CSRNP3: variants seen among roughly 807,000 people sequenced by gnomAD.
CSRNP3 encodes cysteine and serine rich nuclear protein 3, also known as cysteine/serine-rich nuclear protein 3.
Under a neutral mutation model 48.0 loss-of-function variants are expected in CSRNP3, and 12 were observed. The observed-to-expected ratio is 0.25, with a 90% confidence interval of 0.16 to 0.41. The LOEUF (loss-of-function observed/expected upper bound fraction) is 0.41, where lower values mean the gene tolerates loss of function less well. Among genes scored for constraint, CSRNP3 ranks in the 10% least tolerant of loss-of-function variants. The pLI is 1.00. For synonymous variants in CSRNP3, 263 were observed against 269.7 expected (o/e 0.98, Z 0.24); for missense variants, 580 against 724.4 (o/e 0.80, Z 2.29).
At chr2:165,618,565 A>G (rs986868738) in intron 4 of CSRNP3, among the ~76,000 whole-genome samples, 1 of 152,224 alleles carries the variant, frequency 6.6e-6, no homozygotes, top group Non-Finnish European at 1.5e-5. Flanking sequence ...GAAAGATCAT[A>G]TGAACCAAAA....
At chr2:165,574,282 G>A (rs1685414321) in intron 3 of CSRNP3, 18 of 1,144,894 alleles carry the variant, frequency 1.6e-5, no homozygotes, top group Non-Finnish European at 2.2e-5. Context: ...AAAGGTCACA[G>A]GGCTGGTGGA....
At chr2:165,650,492 T>G (rs933024291) in intron 4 of CSRNP3, among the ~76,000 whole-genome samples, 1 of 152,220 alleles carries the variant, frequency 6.6e-6, no homozygotes, top group Non-Finnish European at 1.5e-5. Context: ...AAGTTAATCT[T>G]AATAACTTCA....
intron 2 of CSRNP3, among the ~76,000 whole-genome samples, chr2:165,514,288 T>A (rs1001446585): frequency 3.9e-5 from 6 of 152,222 alleles, no homozygotes; most frequent in African/African-American, 1.2e-4. Context: ...GAAAAGGCAG[T>A]GTTGAGGCTA....
chr2:165,528,890 C>T (rs1238558503), intron 3 of CSRNP3, among the ~76,000 whole-genome samples: 2 of 152,180 alleles, frequency 1.3e-5, no homozygotes, highest in African/African-American at 2.4e-5. Context: ...TCCTTCCAAG[C>T]TGGGGCAGGA....
At chr2:165,579,921 CTTTTTTTTTTTTT>C (rs147087270) in intron 3 of CSRNP3, among the ~76,000 whole-genome samples, 3 of 70,550 alleles carry the variant, frequency 4.3e-5, no homozygotes, top group East Asian at 3.8e-4. Context: ...CATGACTCTA[CTTTTTTTTTTTTT>C]TTTTTTTTTT....
Position 165,657,747 on chromosome 2 carries a change from T to G in CSRNP3, c.149-14T>G. 6.2e-7 allele frequency: 1 copy of G among 1,611,634 alleles called. No individual in the cohort carries two copies. The highest frequency in any genetic ancestry group is 8.5e-7 in the Non-Finnish European group (1 of 1,177,934). On this transcript the variant is annotated splice_polypyrimidine_tract_variant and intron_variant, in intron 4 of 6. Coordinates refer to ENST00000651982, the MANE Select transcript of CSRNP3 (RefSeq NM_001172173.2). ...TGCCCCAAGTGTTCACAGGATTGTT[T>G]CTTTCTCTTTCAGCTTCCTCCATTC...
chr2:165,509,854 G>C (rs1684478832), intron 2 of CSRNP3, among the ~76,000 whole-genome samples: 1 of 152,066 alleles, frequency 6.6e-6, no homozygotes, highest in Non-Finnish European at 1.5e-5. Context: ...ATTGAATTCG[G>C]TCATCATGTC....
chr2:165,618,054 G>T (rs990009415), intron 4 of CSRNP3, among the ~76,000 whole-genome samples: 2 of 152,238 alleles, frequency 1.3e-5, no homozygotes, highest in African/African-American at 2.4e-5. Flanking sequence ...GTCCTGGGGA[G>T]TGGGTAGGAC....
chr2:165,677,399 C>A (rs893548119), intron 6 of CSRNP3, among the ~76,000 whole-genome samples: 1 of 152,090 alleles, frequency 6.6e-6, no homozygotes, highest in Admixed American at 6.5e-5. Flanking sequence ...TGATGACTGG[C>A]AATCAGATAA....
At chr2:165,570,335 T>G (rs1341796385) in intron 3 of CSRNP3, among the ~76,000 whole-genome samples, 1 of 152,076 alleles carries the variant, frequency 6.6e-6, no homozygotes, top group African/African-American at 2.4e-5. Context: ...AGACTTCCCA[T>G]TGGAGACTCA....
chr2:165,496,276 C>T lies in CSRNP3; in HGVS notation c.-113+1348C>T, dbSNP rs113423843. On this transcript the variant is annotated intron_variant, in intron 2 of 6. Coordinates refer to ENST00000651982, the MANE Select transcript of CSRNP3 (RefSeq NM_001172173.2). ...TTCTGAGGATATGATTCTCCAGTTA[C>T]GTGGAAAAGTTATGGCCAGAGAGTA... Among the ~76,000 whole-genome samples the T allele has an allele frequency of 7.5e-3, 1,141 of 152,064 alleles. 13 individuals carry two copies. Among genetic ancestry groups the T allele is most frequent in the African/African-American group, 0.026 (1,068 of 41,524 alleles).
intron 3 of CSRNP3, among the ~76,000 whole-genome samples, chr2:165,532,913 A>G (rs2105245266): frequency 6.6e-6 from 1 of 152,268 alleles, no homozygotes; most frequent in South Asian, 2.1e-4. Flanking sequence ...TTATACACCA[A>G]TAACAGACAA....
chr2:165,605,820 T>C (rs1366452400), intron 4 of CSRNP3, among the ~76,000 whole-genome samples: 7 of 152,136 alleles, frequency 4.6e-5, no homozygotes, highest in Non-Finnish European at 1.0e-4. Flanking sequence ...TGAAAAAGAA[T>C]AAGGAAGAGG....
chr2:165,554,060 G>A (rs534747289), intron 3 of CSRNP3, among the ~76,000 whole-genome samples: 23 of 152,164 alleles, frequency 1.5e-4, no homozygotes, highest in Non-Finnish European at 7.4e-5. Flanking sequence ...AAGTCTAATT[G>A]TAAATTTTCA....
chr2:165,559,796 C>CT (rs11313094), intron 3 of CSRNP3, among the ~76,000 whole-genome samples: 54,642 of 98,828 alleles, frequency 0.55, 15,721 homozygotes, highest in East Asian at 0.64. Context: ...TTCTTTCTTT[C>CT]TTTTTTTTTT....
intron 3 of CSRNP3, among the ~76,000 whole-genome samples, chr2:165,538,861 A>G (rs1684916658): frequency 6.6e-6 from 1 of 151,936 alleles, no homozygotes; most frequent in South Asian, 2.1e-4. Flanking sequence ...GCATTTTGCC[A>G]TTCCTAGGTA....
intron 1 of CSRNP3, among the ~76,000 whole-genome samples, chr2:165,475,963 A>G (rs1444025505): frequency 6.6e-6 from 1 of 152,160 alleles, no homozygotes; most frequent in African/African-American, 2.4e-5. Context: ...ATTATCATAT[A>G]CTAAATCAAT....
intron 1 of CSRNP3, among the ~76,000 whole-genome samples, chr2:165,477,497 T>A (rs1291011073): frequency 1.7e-5 from 2 of 119,724 alleles, no homozygotes; most frequent in East Asian, 2.3e-4. Context: ...TATATATATA[T>A]AATACAAATA....
At chr2:165,484,924 G>A (rs774028766) in intron 1 of CSRNP3, among the ~76,000 whole-genome samples, 9 of 151,924 alleles carry the variant, frequency 5.9e-5, no homozygotes, top group African/African-American at 1.5e-4. Flanking sequence ...ACTTGCTCTC[G>A]CTCTTTCTTT....
Sources: gnomAD v4.1 joint callset for allele counts (sites outside exome capture counted in the v4.1 genomes callset) on GRCh38, gnomAD v4.1.1 for gene constraint, MANE v1.5 for transcripts, NCBI Gene and HGNC (gene_info 2026-07-23, HGNC 2026-07-21) for gene names.